The following MTOR variants were observed in gnomAD, a reference collection of about 807,000 sequenced individuals.
MTOR encodes mechanistic target of rapamycin kinase.
Under a neutral mutation model 319.8 loss-of-function variants are expected in MTOR, and 70 were observed. That is an observed-to-expected ratio of 0.22 (90% confidence interval 0.18 to 0.27). The LOEUF (loss-of-function observed/expected upper bound fraction) is 0.27. Among genes scored for constraint, MTOR ranks in the 10% least tolerant of loss-of-function variants. The pLI is 1.00. For synonymous variants in MTOR, 1,183 were observed against 1,211.4 expected, an observed-to-expected ratio of 0.98 and a Z score of 0.49; for missense variants, 1,890 against 3,274.4, an observed-to-expected ratio of 0.58 and a Z score of 10.32.
At chr1:11,260,866 T>G (rs1651024027) in intron 1 of MTOR, among the ~76,000 whole-genome samples, 1 of 150,548 alleles carries the variant, frequency 6.6e-6, no homozygotes, top group Admixed American at 6.6e-5. Flanking sequence ...CTCGGCTCAC[T>G]GCAACATCCA....
At chr1:11,255,925 C>T in intron 5 of MTOR, 67 bp downstream of exon 5, 1 of 1,500,386 alleles carries the variant, frequency 6.7e-7, no homozygotes, top group Non-Finnish European at 9.1e-7. Context: ...TGTGGCTGCC[C>T]TTTAGGCCAG....
chr1:11,134,250 G>T, intron 37 of MTOR, 101 bp downstream of exon 37: 1 of 969,100 alleles, frequency 1.0e-6, no homozygotes, highest in Middle Eastern at 3.3e-4. Flanking sequence ...AGAGATGTCA[G>T]CAATCAGCCA....
chr1:11,128,803 C>T lies in MTOR; in HGVS notation c.5811+52G>A. The stretch of plus-strand genomic sequence containing the variant: ...AACACAGCATGCTTGTAAGAGGAGA[C>T]ACACAGAAGAGAGACTTGGAGCCAC... On this transcript the variant is annotated intron_variant, in intron 41 of 57. Coordinates refer to ENST00000361445, the MANE Select transcript of MTOR (RefSeq NM_004958.4). The surrounding 1 kb of genome is among the most constrained non-coding windows in gnomAD (Gnocchi z 5.3). 2 of 1,445,190 alleles carry T rather than the reference C, an allele frequency of 1.4e-6. No homozygotes were observed. Among genetic ancestry groups the T allele is most frequent in the Middle Eastern group, 1.8e-4 (1 of 5,628 alleles). 89.5% of individuals were successfully genotyped at this position (1,445,190 alleles called of 1,614,324 possible).
chr1:11,196,196 G>C (rs1645777128), intron 28 of MTOR, among the ~76,000 whole-genome samples: 1 of 152,188 alleles, frequency 6.6e-6, no homozygotes, highest in East Asian at 1.9e-4. Context: ...GGGCTGGGCA[G>C]TGAAGGCATC....
chr1:11,193,826 C>T (rs189670764), intron 28 of MTOR: 2 of 1,561,746 alleles, frequency 1.3e-6, no homozygotes, highest in Admixed American at 3.4e-5. Flanking sequence ...CCACACATGA[C>T]CGCGTACAAC....
chr1:11,234,587 G>C (rs1329567272), intron 13 of MTOR, among the ~76,000 whole-genome samples: 2 of 152,208 alleles, frequency 1.3e-5, no homozygotes, highest in Non-Finnish European at 1.5e-5. Flanking sequence ...AACCAACAGG[G>C]AGAGCTGTGA....
chr1:11,130,854 C>T (rs1643114047), intron 38 of MTOR, 77 bp from the exon 39 acceptor site: 2 of 1,496,998 alleles, frequency 1.3e-6, no homozygotes, highest in South Asian at 1.3e-5. Context: ...AAGGTCGATG[C>T]TGAGGAACAG....
In MTOR at chr1:11,128,372, C is replaced by T; in HGVS notation, c.5910+82G>A. 1.4e-6 allele frequency: 2 copies of T among 1,436,284 alleles called. No individual in the cohort carries two copies. Among genetic ancestry groups the T allele is most frequent in the Non-Finnish European group, 2.0e-6 (2 of 1,024,764 alleles). The allele number at this position is 1,436,284 out of a possible 1,614,324, so 89.0% of individuals were successfully genotyped here. A position where few individuals can be genotyped will look rare whatever the true frequency, so the allele number is the denominator to read the frequency against. ...GAACACATGGCTCCCAGTTCCTGCG[C>T]TTGTGTCGCCAGGGCAGCTTTTGGA... On this transcript the variant is annotated intron_variant, in intron 42 of 57. Coordinates refer to ENST00000361445, the MANE Select transcript of MTOR (RefSeq NM_004958.4). The surrounding 1 kb of genome is among the most constrained non-coding windows in gnomAD (Gnocchi z 5.3).
In MTOR at chr1:11,238,534, G is replaced by A. The variant is rs780398729; in HGVS notation, c.1870C>T (p.Arg624Cys). 46 of 1,614,046 alleles carry A rather than the reference G, an allele frequency of 2.8e-5. No homozygotes were observed. Among genetic ancestry groups the A allele is most frequent in the African/African-American group, 5.3e-5 (4 of 74,920 alleles). The change falls in exon 12 of 58, where the codon CGC becomes TGC. Residue 624 changes from arginine (R) to cysteine (C), a missense_variant. Physicochemically the swap from Arg to Cys is radical, Grantham distance 180. This residue lies in a region of MTOR where 418 missense variants were observed against 543.1 expected (regional missense o/e 0.77). Coordinates refer to ENST00000361445, the MANE Select transcript of MTOR (RefSeq NM_004958.4). The part of the protein sequence containing the change: ...EHKEIRMEAA[R>C]TCSRLLTPSI... ...GGTGTGAGCAGGCGGGAGCAGGTGCGGGCAGCCTCCATGCGGATCTCCTTG... is the reference window on the plus strand; with the variant it reads ...GGTGTGAGCAGGCGGGAGCAGGTGCAGGCAGCCTCCATGCGGATCTCCTTG...
At chr1:11,192,837 C>T (rs896274137) in intron 28 of MTOR, among the ~76,000 whole-genome samples, 3 of 151,788 alleles carry the variant, frequency 2.0e-5, no homozygotes, top group South Asian at 2.1e-4. Flanking sequence ...TTATGCCCTG[C>T]ACTCCAAACC....
chr1:11,194,758 G>T, intron 28 of MTOR: 2 of 1,597,484 alleles, frequency 1.3e-6, no homozygotes, highest in Admixed American at 3.4e-5. Flanking sequence ...TGATATTCCG[G>T]TTTTGGTATT....
Position 11,128,454 on chromosome 1 carries a change from C to T in MTOR, c.5910G>A (p.Gln1970=). The stretch of plus-strand genomic sequence containing the variant: ...GAAACTGCCCAGAGTCTCCACATAC[C>T]TGGGGGTGGTACCGACCAATGTCTG... ...LLTDIGRYHP[Q]ALIYPLTVAS... Residue 1970 remains glutamine, a splice_region_variant and synonymous_variant, in exon 42 of 58, where the codon CAG becomes CAA. Coordinates refer to ENST00000361445, the MANE Select transcript of MTOR (RefSeq NM_004958.4). The surrounding 1 kb of genome is among the most constrained non-coding windows in gnomAD (Gnocchi z 5.3). The T allele has an allele frequency of 6.2e-7, 1 of 1,613,934 alleles. No homozygotes were observed. The highest frequency in any genetic ancestry group is 8.5e-7 in the Non-Finnish European group (1 of 1,179,862).
intron 50 of MTOR, among the ~76,000 whole-genome samples, chr1:11,116,675 G>A (rs745490304): frequency 6.6e-6 from 1 of 152,016 alleles, no homozygotes; most frequent in East Asian, 1.9e-4. Flanking sequence ...ACTATGTGGG[G>A]CTTTATTGAG....
In MTOR at chr1:11,107,203, T is replaced by C; in HGVS notation, c.*282A>G. On this transcript the variant is annotated 3_prime_UTR_variant, in exon 58 of 58. Transcript: ENST00000361445. Reference sequence around the variant, plus strand: ...GTCAAAACCCGTATTTCTAAAGTTATGGATCTTCTGTTCCCCAAAATGAAT... The same window carrying C: ...GTCAAAACCCGTATTTCTAAAGTTACGGATCTTCTGTTCCCCAAAATGAAT... 1 of 1,395,664 alleles carries C rather than the reference T, an allele frequency of 7.2e-7. No individual in the cohort carries two copies. The highest frequency in any genetic ancestry group is 9.4e-7 in the Non-Finnish European group (1 of 1,063,442). 86.5% of individuals were successfully genotyped at this position (1,395,664 alleles called of 1,614,324 possible).
At position 11,234,184 on chromosome 1, in the gene MTOR, C is replaced by A; in HGVS notation, c.2290G>T (p.Ala764Ser). Residue 764 changes from alanine (A) to serine (S), a missense_variant, in exon 14 of 58, where the codon GCC (alanine) becomes TCC (serine). By Grantham distance (99) the Ala-to-Ser change is moderately conservative (BLOSUM62 1). This residue lies in a region of MTOR where 377 missense variants were observed against 653.9 expected (regional missense o/e 0.58). Coordinates refer to ENST00000361445, the MANE Select transcript of MTOR (RefSeq NM_004958.4). ...ARMLGHLVSN[A>S]PRLIRPYMEP... ...ATGTAGGGGCGGATGAGTCGGGGGG[C>A]ATTGGAGACCAGGTGCCCCAGCATG... 1 of 1,614,152 alleles carries A rather than the reference C, an allele frequency of 6.2e-7. No homozygotes were observed. The highest frequency in any genetic ancestry group is 8.5e-7 in the Non-Finnish European group (1 of 1,180,022).
intron 10 of MTOR, among the ~76,000 whole-genome samples, chr1:11,241,340 A>T (rs1469673660): frequency 6.6e-6 from 1 of 151,824 alleles, no homozygotes; most frequent in Non-Finnish European, 1.5e-5. Context: ...AAAAAAAAAA[A>T]ATGAGGCTCG....
At chr1:11,206,287 G>GT (rs1646135575) in intron 25 of MTOR, among the ~76,000 whole-genome samples, 1 of 152,212 alleles carries the variant, frequency 6.6e-6, no homozygotes, top group Non-Finnish European at 1.5e-5. Context: ...AGTATTACTA[G>GT]TTTCTTTTTC....
rs762300428 is a variant in MTOR, at chr1:11,127,606, G to A, written c.6216+18C>T. 12 of 1,585,040 alleles carry A rather than the reference G, an allele frequency of 7.6e-6. No homozygotes were observed. The highest frequency in any genetic ancestry group is 8.6e-6 in the Non-Finnish European group (10 of 1,167,946). On this transcript the variant is annotated intron_variant, in intron 44 of 57. Transcript: ENST00000361445. The surrounding 1 kb of genome is among the most constrained non-coding windows in gnomAD (Gnocchi z 5.5). The stretch of plus-strand genomic sequence containing the variant: ...TATTTCTACAGGGTTATGTCCTTTC[G>A]TGTTTTTTACCCCATACCTGATTAA...
At chr1:11,194,785 C>G (rs1645716596) in intron 28 of MTOR, 3 of 1,601,034 alleles carry the variant, frequency 1.9e-6, no homozygotes, top group Non-Finnish European at 2.6e-6. Context: ...GACCCTGGCT[C>G]TAACTCCTTA....
Sources: gnomAD v4.1 joint callset for allele counts (sites outside exome capture counted in the v4.1 genomes callset) on GRCh38, gnomAD v4.1.1 for gene constraint, gnomAD v4.1.1 regional missense constraint, Gnocchi (gnomAD v3.1) non-coding constraint, MANE v1.5 for transcripts, NCBI Gene and HGNC (gene_info 2026-07-23, HGNC 2026-07-21) for gene names.